The following MEGF11 variants were observed in gnomAD, a reference collection of about 807,000 sequenced individuals.
The protein encoded by MEGF11 is multiple EGF like domains 11.
In MEGF11, 126 loss-of-function variants were observed where a neutral mutation model predicts 146.6. The ratio of observed to expected loss-of-function variants is 0.86; its 90% CI spans 0.74 to 1.00. The LOEUF is 1.00. Ranked by LOEUF, MEGF11 falls within the 50% of genes least tolerant of loss-of-function variation. The pLI, the probability that MEGF11 is intolerant of heterozygous loss-of-function variation, is 0.00. For synonymous variants in MEGF11, 532 were observed against 583.4 expected (o/e 0.91, Z 1.27); for missense variants, 1,509 against 1,521.2 (o/e 0.99, Z 0.13).
At position 65,922,465 on chromosome 15, in the gene MEGF11, G is replaced by A. The variant is rs1200517563; in HGVS notation, c.1830C>T (p.Pro610=). 11 of 1,571,588 alleles carry A rather than the reference G, an allele frequency of 7.0e-6. No homozygotes were observed. The highest frequency in any genetic ancestry group is 9.5e-6 in the Non-Finnish European group (11 of 1,159,086). The change falls in exon 15 of 26, where the codon CCC becomes CCT. Residue 610 remains proline, a synonymous_variant. Coordinates refer to ENST00000395614, the MANE Select transcript of MEGF11 (RefSeq NM_001385028.1). ...CGCAGCCGTGGCCATAGAACCCAGG[G>A]GGGCAGACTGAGGGTGAAGGGAAGA... is the stretch of plus-strand genomic sequence containing the variant. The part of the protein sequence containing the change: ...FRGPLCQRIC[P]PGFYGHGCAQ...
chr15:65,987,482 A>AT (rs574234367), intron 5 of MEGF11, among the ~76,000 whole-genome samples: 5 of 151,884 alleles, frequency 3.3e-5, no homozygotes, highest in Admixed American at 2.6e-4. Flanking sequence ...GTTTACTCAG[A>AT]TTTTTTTTCT....
In MEGF11 at chr15:66,119,129, G is replaced by A. The variant is rs2087884093; in HGVS notation, c.258C>T (p.Ser86=). ...TCTCATAGTAGCCAGGGCAGCACTG[G>A]GACCTCCGCCGGTACATGGTCCGGA... ...RGLRTMYRRR[S]QCCPGYYESG... is the part of the protein sequence containing the mutation. Residue 86 remains serine (S), a synonymous_variant, in exon 4 of 26, where the codon TCC becomes TCT. Coordinates refer to ENST00000395614, the MANE Select transcript of MEGF11 (RefSeq NM_001385028.1). The A allele has an allele frequency of 6.4e-7, 1 of 1,551,440 alleles. No individual in the cohort carries two copies. The highest frequency in any genetic ancestry group is 8.7e-7 in the Non-Finnish European group (1 of 1,147,012).
intron 4 of MEGF11, among the ~76,000 whole-genome samples, chr15:66,115,771 A>G (rs2087696007): frequency 6.6e-6 from 1 of 152,234 alleles, no homozygotes; most frequent in Non-Finnish European, 1.5e-5. Context: ...TGTGCTCATA[A>G]CAAGGAAATG....
rs139903899 is a variant in MEGF11, at chr15:65,917,985, A to T, written c.2067T>A (p.Ile689=). 6.2e-7 allele frequency: 1 copy of T among 1,613,926 alleles called. No homozygotes were observed. Among genetic ancestry groups the T allele is most frequent in the Non-Finnish European group, 8.5e-7 (1 of 1,179,898 alleles). The change falls in exon 16 of 26, where the codon ATT becomes ATA. Residue 689 remains isoleucine (I), a synonymous_variant. Transcript: ENST00000395614. ...DGSCQCFPGW[I]GKDCSQACPP... ...GCTTACCCTGTGAGCAGTCCTTGCC[A>T]ATCCATCCAGGAAAGCACTGGCAGG...
chr15:66,239,439 G>T (rs1235052882), intron 1 of MEGF11, among the ~76,000 whole-genome samples: 1 of 152,202 alleles, frequency 6.6e-6, no homozygotes, highest in Non-Finnish European at 1.5e-5. Flanking sequence ...ACAGGGGAAG[G>T]CCCAGACTCC....
chr15:66,113,292 C>T (rs1052060046), intron 4 of MEGF11, among the ~76,000 whole-genome samples: 1 of 152,186 alleles, frequency 6.6e-6, no homozygotes, highest in African/African-American at 2.4e-5. Flanking sequence ...CAGCTGCATA[C>T]GTGCCTGGAG....
At chr15:65,914,413 G>T (rs1461052004) in intron 19 of MEGF11, among the ~76,000 whole-genome samples, 1 of 152,126 alleles carries the variant, frequency 6.6e-6, no homozygotes, top group African/African-American at 2.4e-5. Context: ...CTTCCTAATT[G>T]TGTGGCTCAG....
chr15:65,984,011 C>G (rs1048672100), intron 5 of MEGF11, among the ~76,000 whole-genome samples: 1 of 152,162 alleles, frequency 6.6e-6, no homozygotes, highest in Non-Finnish European at 1.5e-5. Flanking sequence ...TGTCATGGAG[C>G]CTGCCTATCA....
intron 5 of MEGF11, among the ~76,000 whole-genome samples, chr15:66,036,993 TC>T (rs2083750154): frequency 6.6e-6 from 1 of 152,228 alleles, no homozygotes; most frequent in Non-Finnish European, 1.5e-5. Context: ...AAAGGCCCTG[TC>T]CCTGGCTGGG....
chr15:66,087,389 A>C (rs1293651083), intron 5 of MEGF11, among the ~76,000 whole-genome samples: 2 of 152,210 alleles, frequency 1.3e-5, no homozygotes, highest in African/African-American at 2.4e-5. Context: ...TCAACAGCAC[A>C]TGGAACTTTC....
chr15:66,223,287 G>A (rs989914311), intron 1 of MEGF11, among the ~76,000 whole-genome samples: 2 of 152,058 alleles, frequency 1.3e-5, no homozygotes, highest in Non-Finnish European at 2.9e-5. Context: ...GTCCAAAACC[G>A]GCAAGTCCAC....
Position 65,955,791 on chromosome 15 carries a change from T to TAC in MEGF11, c.1287+1755_1287+1756insGT, listed in dbSNP as rs1415493514. On this transcript the variant is annotated intron_variant, in intron 10 of 25. Coordinates refer to ENST00000395614, the MANE Select transcript of MEGF11 (RefSeq NM_001385028.1). Reference sequence around the variant, plus strand: ...ATATATATATATATATATATATATATATACACACACACACACACACACAAT... The same window carrying TAC: ...ATATATATATATATATATATATATATACATACACACACACACACACACACAAT... 3.3e-4 allele frequency among the ~76,000 whole-genome samples: 3 copies of TAC among 9,084 alleles called. 1 individual carries two copies. The highest frequency in any genetic ancestry group is 6.9e-4 in the Non-Finnish European group (2 of 2,900). The allele number at this position is 9,084 out of a possible 152,430, so 6.0% of individuals were successfully genotyped here. A position where few individuals can be genotyped will look rare whatever the true frequency, so the allele number is the denominator to read the frequency against.
chr15:65,996,667 G>T (rs947047702), intron 5 of MEGF11, among the ~76,000 whole-genome samples: 1 of 151,960 alleles, frequency 6.6e-6, no homozygotes, highest in East Asian at 1.9e-4. Context: ...TGTATTTTTC[G>T]TAGAGACAGG....
chr15:66,226,003 G>A (rs987395297), intron 1 of MEGF11, among the ~76,000 whole-genome samples: 1 of 152,168 alleles, frequency 6.6e-6, no homozygotes, highest in African/African-American at 2.4e-5. Flanking sequence ...ACCAACCACA[G>A]TCCAAAAATG....
chr15:65,981,021 G>T lies in MEGF11; in HGVS notation c.642-123C>A, dbSNP rs1013010622. 1.3e-5 allele frequency: 16 copies of T among 1,245,386 alleles called. No homozygotes were observed. The African/African-American group carries it at 2.4e-4, about 19-fold the overall frequency. 77.1% of individuals were successfully genotyped at this position (1,245,386 alleles called of 1,614,324 possible). ...TGGATCTGTATTAGGCACAGCATCC[G>T]CTGAACTGCAGTCCTGCTCCCTGCC... On this transcript the variant is annotated intron_variant, in intron 6 of 25. Coordinates refer to ENST00000395614, the MANE Select transcript of MEGF11 (RefSeq NM_001385028.1).
At chr15:66,161,420 C>G (rs1334118694) in intron 1 of MEGF11, among the ~76,000 whole-genome samples, 1 of 152,104 alleles carries the variant, frequency 6.6e-6, no homozygotes, top group African/African-American at 2.4e-5. Flanking sequence ...GGATCTTGCT[C>G]TATCACCCAG....
intron 1 of MEGF11, among the ~76,000 whole-genome samples, chr15:66,193,437 C>T (rs1300700859): frequency 6.6e-6 from 1 of 152,122 alleles, no homozygotes; most frequent in African/African-American, 2.4e-5. Context: ...AGGTGCAGAC[C>T]CTAAACTCAT....
intron 5 of MEGF11, among the ~76,000 whole-genome samples, chr15:65,994,511 G>A (rs564261269): frequency 3.9e-5 from 6 of 152,302 alleles, no homozygotes; most frequent in South Asian, 2.1e-4. Flanking sequence ...CTTTTTCACC[G>A]GGTGGGAAAG....
At position 65,929,721 on chromosome 15, in the gene MEGF11, G is replaced by A. The variant is rs554311397; in HGVS notation, c.1571C>T (p.Pro524Leu). Reference sequence around the variant, plus strand: ...GTCCCTCCCCACCCTGGCACTCACCGGGCAAGGCAGCTCACAGGTGTCTCC... The same window carrying A: ...GTCCCTCCCCACCCTGGCACTCACCAGGCAAGGCAGCTCACAGGTGTCTCC... Reference protein sequence around the residue: ...WLGDTCELPCPDGTFGLNCSE... With the variant: ...WLGDTCELPCLDGTFGLNCSE... The change falls in exon 12 of 26, where the codon CCG (proline) becomes CTG (leucine). Residue 524 changes from proline to leucine, a missense_variant and splice_region_variant. Physicochemically the swap from Pro to Leu is moderately conservative, Grantham distance 98. Transcript: ENST00000395614. The A allele has an allele frequency of 2.0e-4, 308 of 1,550,730 alleles. No homozygotes were observed. Among genetic ancestry groups the A allele is most frequent in the Non-Finnish European group, 2.6e-4 (301 of 1,146,556 alleles).
Sources: allele counts gnomAD v4.1 joint callset (sites outside exome capture counted in the v4.1 genomes callset), GRCh38; gene constraint gnomAD v4.1.1; transcripts MANE v1.5; gene names NCBI Gene and HGNC (gene_info 2026-07-23, HGNC 2026-07-21).